TMCC1: variants seen among roughly 807,000 people sequenced by gnomAD.
TMCC1 encodes transmembrane and coiled-coil domains protein 1.
Under a neutral mutation model 52.4 loss-of-function variants are expected in TMCC1, and 15 were observed. The observed-to-expected ratio is 0.29, with a 90% CI of 0.19 to 0.44. The LOEUF is 0.44. TMCC1 is among the 20% of genes least tolerant of loss of function. The probability of loss-of-function intolerance (pLI) is 1.00; values close to 1 mark genes in which losing one functional copy is unlikely to be tolerated. For missense variants in TMCC1, 503 were observed against 806.0 expected, an observed-to-expected ratio of 0.62 and a Z score of 4.55; for synonymous variants, 279 against 301.9, an observed-to-expected ratio of 0.92 and a Z score of 0.79.
At chr3:129,784,751 G>GT (rs2055851551) in intron 4 of TMCC1, among the ~76,000 whole-genome samples, 3 of 151,940 alleles carry the variant, frequency 2.0e-5, no homozygotes, top group Admixed American at 2.0e-4. Flanking sequence ...GGAACTTGAG[G>GT]CCATGAGTTT....
intron 3 of TMCC1, among the ~76,000 whole-genome samples, chr3:129,832,122 G>T (rs752502807): frequency 1.1e-4 from 16 of 152,090 alleles, no homozygotes; most frequent in Admixed American, 2.6e-4. Flanking sequence ...CTCCCAAAGT[G>T]CTAGGATTAT....
intron 4 of TMCC1, among the ~76,000 whole-genome samples, chr3:129,710,483 A>C (rs573867314): frequency 6.6e-6 from 1 of 152,086 alleles, no homozygotes; most frequent in Non-Finnish European, 1.5e-5. Context: ...TTTAAATACG[A>C]GGAAAGTGAG....
chr3:129,772,593 G>A (rs1240676543), intron 4 of TMCC1, among the ~76,000 whole-genome samples: 2 of 151,200 alleles, frequency 1.3e-5, no homozygotes, highest in Non-Finnish European at 3.0e-5. Flanking sequence ...TGTGGTGGCG[G>A]GCACCTGTAG....
chr3:129,747,410 CTT>C (rs1162631011), intron 4 of TMCC1, among the ~76,000 whole-genome samples: 2 of 152,132 alleles, frequency 1.3e-5, no homozygotes, highest in Non-Finnish European at 2.9e-5. Context: ...CATTTATAAA[CTT>C]ATATACCTTC....
intron 4 of TMCC1, among the ~76,000 whole-genome samples, chr3:129,780,986 G>A (rs968163301): frequency 1.3e-5 from 2 of 152,230 alleles, no homozygotes; most frequent in East Asian, 3.9e-4. Context: ...CAAGTCACAT[G>A]AGGCTAGTGA....
chr3:129,809,635 GA>G (rs149580667), intron 4 of TMCC1, among the ~76,000 whole-genome samples: 11 of 147,692 alleles, frequency 7.4e-5, no homozygotes, highest in East Asian at 2.0e-4. Flanking sequence ...CTGACAGGAA[GA>G]AAAAAAAAAT....
chr3:129,713,365 T>C (rs773646495), intron 4 of TMCC1, among the ~76,000 whole-genome samples: 47 of 152,044 alleles, frequency 3.1e-4, no homozygotes, highest in Non-Finnish European at 6.8e-4. Context: ...AAACAGAAGA[T>C]TAACAGGCAA....
chr3:129,860,296 C>T (rs1054256894), intron 2 of TMCC1, among the ~76,000 whole-genome samples: 36 of 151,844 alleles, frequency 2.4e-4, no homozygotes, highest in Admixed American at 2.2e-3. Flanking sequence ...TCTCAAACTC[C>T]TGAGCTCCAG....
intron 4 of TMCC1, among the ~76,000 whole-genome samples, chr3:129,806,677 A>G (rs185854859): frequency 6.6e-6 from 1 of 152,356 alleles, no homozygotes; most frequent in Admixed American, 6.5e-5. Context: ...AACTCAGAAG[A>G]CAGACATATT....
chr3:129,765,456 TA>T (rs2054047162), intron 4 of TMCC1, among the ~76,000 whole-genome samples: 1 of 152,068 alleles, frequency 6.6e-6, no homozygotes, highest in Non-Finnish European at 1.5e-5. Context: ...TGAAGAGAGG[TA>T]GCTTTATAGT....
chr3:129,673,829 G>GAA (rs58816036), intron 4 of TMCC1, among the ~76,000 whole-genome samples: 12 of 147,036 alleles, frequency 8.2e-5, no homozygotes, highest in African/African-American at 3.0e-4. Context: ...TCTCTAAAAT[G>GAA]AAAAAAAAAA....
chr3:129,867,378 G>A (rs748050709), intron 2 of TMCC1, among the ~76,000 whole-genome samples: 1 of 152,050 alleles, frequency 6.6e-6, no homozygotes, highest in African/African-American at 2.4e-5. Flanking sequence ...TCCTGTAATC[G>A]CTTCAACAGT....
chr3:129,726,540 A>T (rs2050100025), intron 4 of TMCC1, among the ~76,000 whole-genome samples: 1 of 152,036 alleles, frequency 6.6e-6, no homozygotes. Flanking sequence ...TCTACTTTTT[A>T]AAAAGTATAC....
chr3:129,852,501 T>C (rs1208482864), intron 2 of TMCC1, among the ~76,000 whole-genome samples: 5 of 139,636 alleles, frequency 3.6e-5, no homozygotes, highest in Admixed American at 2.1e-4. Flanking sequence ...TTCTGCAGTA[T>C]ACAACAACGA....
intron 2 of TMCC1, among the ~76,000 whole-genome samples, chr3:129,876,152 G>T (rs1484164666): frequency 2.0e-5 from 3 of 148,454 alleles, no homozygotes; most frequent in Admixed American, 2.0e-4. Context: ...AAAAAAAAAA[G>T]TTTAAAATAT....
At chr3:129,793,166 AACAC>A (rs149082077) in intron 4 of TMCC1, among the ~76,000 whole-genome samples, 267 of 148,500 alleles carry the variant, frequency 1.8e-3, no homozygotes, top group Middle Eastern at 3.5e-3. Flanking sequence ...GAGGCCTTCA[AACAC>A]ACACACACAC....
chr3:129,720,181 C>CA (rs765678095), intron 4 of TMCC1, among the ~76,000 whole-genome samples: 1,440 of 58,238 alleles, frequency 0.025, 17 homozygotes, highest in Middle Eastern at 0.085. Context: ...GACCCTGTCT[C>CA]AAAAAAAAAA....
chr3:129,815,956 G>A (rs2058074788), intron 4 of TMCC1, among the ~76,000 whole-genome samples: 1 of 151,998 alleles, frequency 6.6e-6, no homozygotes, highest in Non-Finnish European at 1.5e-5. Flanking sequence ...TCAAAAGATG[G>A]CACACAAATG....
intron 4 of TMCC1, chr3:129,688,635 C>A: frequency 2.0e-6 from 2 of 985,462 alleles, no homozygotes; most frequent in South Asian, 4.7e-5. Flanking sequence ...TATCTGGGAG[C>A]CTAGGAGAAC....
Sources: gnomAD v4.1 joint callset for allele counts (sites outside exome capture counted in the v4.1 genomes callset) on GRCh38, gnomAD v4.1.1 for gene constraint, MANE v1.5 for transcripts, NCBI Gene and HGNC (gene_info 2026-07-23, HGNC 2026-07-21) for gene names.